Variants in EML4 observed in about 807,000 individuals in gnomAD.
EML4 encodes the protein echinoderm microtubule-associated protein-like 4.
In EML4, 72 loss-of-function variants were observed where a neutral mutation model predicts 129.0. The ratio of observed to expected loss-of-function variants is 0.56; its 90% CI spans 0.46 to 0.68. The LOEUF (loss-of-function observed/expected upper bound fraction) is 0.68. Among genes scored for constraint, EML4 ranks in the 30% least tolerant of loss-of-function variants. EML4 has a pLI of 0.00. For missense variants in EML4, 1,363 were observed against 1,190.6 expected, an observed-to-expected ratio of 1.14 and a Z score of -2.13; for synonymous variants, 532 against 405.0, an observed-to-expected ratio of 1.31 and a Z score of -3.77.
intron 21 of EML4, 121 bp downstream of exon 21, chr2:42,326,373 G>A: frequency 1.5e-6 from 1 of 649,922 alleles, no homozygotes. Context: ...CACTATTAAT[G>A]TCAGCCTCAG....
In EML4 at chr2:42,263,240, G is replaced by T. The variant is rs369448526; in HGVS notation, c.575G>T (p.Arg192Leu). Residue 192 changes from arginine to leucine, a missense_variant, in exon 5 of 23, where the codon CGT becomes CTT. Coordinates refer to ENST00000318522, the MANE Select transcript of EML4 (RefSeq NM_019063.5). ...TCTTGGGAAAATTCAGATGATAGCC[G>T]TAATAAATTGTCGAAAATACCTTCA... The part of the protein sequence containing the change: ...HNSWENSDDS[R>L]NKLSKIPSTP... 2 of 1,612,752 alleles carry T rather than the reference G, an allele frequency of 1.2e-6. No homozygotes were observed. Among genetic ancestry groups the T allele is most frequent in the African/African-American group, 1.3e-5 (1 of 74,834 alleles).
intron 1 of EML4, among the ~76,000 whole-genome samples, chr2:42,188,437 G>T (rs1301921907): frequency 6.6e-6 from 1 of 151,750 alleles, no homozygotes; most frequent in Non-Finnish European, 1.5e-5. Flanking sequence ...GCCCAGGCTG[G>T]TCTCAAACTC....
At chr2:42,232,212 C>T (rs192858012) in intron 1 of EML4, among the ~76,000 whole-genome samples, 1 of 152,122 alleles carries the variant, frequency 6.6e-6, no homozygotes, top group East Asian at 1.9e-4. Context: ...GGCCAGGGTA[C>T]ATAATATACA....
chr2:42,323,187 CAATCTTGTTA>C (rs1180752116), intron 19 of EML4, among the ~76,000 whole-genome samples: 1 of 152,136 alleles, frequency 6.6e-6, no homozygotes, highest in Non-Finnish European at 1.5e-5. Flanking sequence ...TTGCCATGAC[CAATCTTGTTA>C]AATCTTCATC....
chr2:42,316,549 G>A (rs1669253954), intron 18 of EML4, among the ~76,000 whole-genome samples: 2 of 152,184 alleles, frequency 1.3e-5, no homozygotes, highest in South Asian at 4.1e-4. Flanking sequence ...ATAAGAATTT[G>A]ATATATTCCT....
Position 42,244,091 on chromosome 2 carries a change from TTTGTTTTTTG to T in EML4, c.26-1411_26-1402del, listed in dbSNP as rs1205034872. Among the ~76,000 whole-genome samples, 6 of 48,358 alleles carry T rather than the reference TTTGTTTTTTG, an allele frequency of 1.2e-4. No homozygotes were observed. The South Asian group carries it at 1.6e-3, about 13-fold the overall frequency. 31.7% of individuals were successfully genotyped at this position (48,358 alleles called of 152,430 possible). ...TTTTTTTTGTTTTTTGTTTTTTGTT[TTTGTTTTTTG>T]TTTTTTTTTTTTTTTTGAGACGGGG... is the stretch of plus-strand genomic sequence containing the variant. On this transcript the variant is annotated intron_variant, in intron 1 of 22. Transcript: ENST00000318522.
chr2:42,312,675 T>C (rs1204994722), intron 17 of EML4, among the ~76,000 whole-genome samples: 1 of 151,894 alleles, frequency 6.6e-6, no homozygotes, highest in Non-Finnish European at 1.5e-5. Flanking sequence ...TGCCTCAGCC[T>C]CCCAAGTAGC....
At chr2:42,252,817 C>T (rs1346405455) in intron 2 of EML4, among the ~76,000 whole-genome samples, 1 of 152,110 alleles carries the variant, frequency 6.6e-6, no homozygotes, top group Non-Finnish European at 1.5e-5. Context: ...GGAAGCCTTT[C>T]TTGAGCTCTG....
intron 6 of EML4, among the ~76,000 whole-genome samples, chr2:42,279,429 A>G (rs540432620): frequency 6.7e-6 from 1 of 149,776 alleles, no homozygotes; most frequent in Admixed American, 6.6e-5. Flanking sequence ...CAAGGGTCCC[A>G]GTTTCTCCAC....
intron 1 of EML4, among the ~76,000 whole-genome samples, chr2:42,184,985 A>T (rs1388566472): frequency 1.3e-5 from 2 of 152,196 alleles, no homozygotes; most frequent in Non-Finnish European, 2.9e-5. Flanking sequence ...GATTGATAAA[A>T]TTCTCTTTAA....
intron 7 of EML4, among the ~76,000 whole-genome samples, chr2:42,282,208 G>A (rs17389422): frequency 6.6e-6 from 1 of 150,764 alleles, no homozygotes; most frequent in Non-Finnish European, 1.5e-5. Context: ...CAGAGGATAA[G>A]CTCTAGAGAC....
intron 5 of EML4, 80 bp from the exon 6 acceptor site, chr2:42,264,626 T>G: frequency 1.2e-6 from 1 of 817,232 alleles, no homozygotes; most frequent in Non-Finnish European, 2.0e-6. Context: ...CATTAAAACT[T>G]TTACAGTTTC....
At chr2:42,271,500 T>G (rs1210959073) in intron 6 of EML4, among the ~76,000 whole-genome samples, 2 of 152,196 alleles carry the variant, frequency 1.3e-5, no homozygotes, top group Admixed American at 1.3e-4. Context: ...GTTTGAAGGC[T>G]GTCCAATTTT....
intron 18 of EML4, 46 bp from the exon 19 acceptor site, chr2:42,317,380 AT>A (rs1669296273): frequency 8.4e-7 from 1 of 1,185,912 alleles, no homozygotes; most frequent in Non-Finnish European, 1.2e-6. Flanking sequence ...CAGTAAATAA[AT>A]TTATCAGTAT....
intron 1 of EML4, among the ~76,000 whole-genome samples, chr2:42,239,903 C>G (rs2033835): frequency 0.29 from 43,954 of 151,694 alleles, 7,602 homozygotes; most frequent in East Asian, 0.57. Flanking sequence ...ATGGGGGCAT[C>G]TTAGAGATTG....
intron 18 of EML4, among the ~76,000 whole-genome samples, chr2:42,317,208 G>T (rs1558607167): frequency 6.6e-6 from 1 of 152,164 alleles, no homozygotes. Flanking sequence ...TAGAAGATGA[G>T]GCCTAGAGTC....
intron 1 of EML4, among the ~76,000 whole-genome samples, chr2:42,197,532 T>C (rs72978892): frequency 0.034 from 5,149 of 151,138 alleles, 288 homozygotes; most frequent in African/African-American, 0.12. Context: ...TTTTTTTAAA[T>C]GAAAATATCA....
At chr2:42,241,093 C>T (rs959310339) in intron 1 of EML4, among the ~76,000 whole-genome samples, 3 of 151,786 alleles carry the variant, frequency 2.0e-5, no homozygotes, top group East Asian at 3.9e-4. Context: ...ACCCATGAGG[C>T]GGAGGTTGCA....
At chr2:42,230,663 C>G (rs1277636692) in intron 1 of EML4, among the ~76,000 whole-genome samples, 1 of 152,202 alleles carries the variant, frequency 6.6e-6, no homozygotes, top group African/African-American at 2.4e-5. Flanking sequence ...ACCTCAGCCT[C>G]CGAAAGTGCT....
Sources: gnomAD v4.1 joint callset for allele counts (sites outside exome capture counted in the v4.1 genomes callset) on GRCh38, gnomAD v4.1.1 for gene constraint, MANE v1.5 for transcripts, NCBI Gene and HGNC (gene_info 2026-07-23, HGNC 2026-07-21) for gene names.